Variants in SMAP1 observed in about 807,000 individuals in gnomAD.
SMAP1 encodes small ArfGAP 1.
Under a neutral mutation model 58.5 loss-of-function variants are expected in SMAP1, and 24 were observed. That is an observed-to-expected ratio of 0.41 (90% confidence interval 0.30 to 0.58). The LOEUF is 0.58. Among genes scored for constraint, SMAP1 ranks in the 20% least tolerant of loss-of-function variants. SMAP1 has a pLI of 0.29. For synonymous variants in SMAP1, 216 were observed against 196.6 expected (o/e 1.10, Z -0.82); for missense variants, 563 against 566.3 (o/e 0.99, Z 0.06).
At chr6:70,726,514 A>G (rs1768792510) in intron 1 of SMAP1, among the ~76,000 whole-genome samples, 1 of 152,258 alleles carries the variant, frequency 6.6e-6, no homozygotes, top group Non-Finnish European at 1.5e-5. Context: ...TAAAATTACC[A>G]TTAGTTAGCA....
chr6:70,855,050 T>TCATATACATATACATATACATATA (rs369822474), intron 8 of SMAP1, among the ~76,000 whole-genome samples: 6,818 of 124,356 alleles, frequency 0.055, 333 homozygotes, highest in Non-Finnish European at 0.058. Flanking sequence ...TCCTGTTCTT[T>TCATATACATATACATATACATATA]CATATACATA....
intron 4 of SMAP1, among the ~76,000 whole-genome samples, chr6:70,789,579 ATTTTTCT>A (rs1165376378): frequency 3.0e-5 from 4 of 131,374 alleles, no homozygotes; most frequent in South Asian, 2.4e-4. Context: ...TAAATCATTT[ATTTTTCT>A]TTTTTCTTTT....
intron 6 of SMAP1, among the ~76,000 whole-genome samples, chr6:70,813,470 A>G (rs1312231790): frequency 2.6e-5 from 4 of 152,264 alleles, no homozygotes; most frequent in African/African-American, 9.6e-5. Context: ...TTCACCAACC[A>G]CTTACATACT....
At chr6:70,699,607 A>G (rs553949686) in intron 1 of SMAP1, among the ~76,000 whole-genome samples, 42 of 151,846 alleles carry the variant, frequency 2.8e-4, no homozygotes, top group Admixed American at 3.9e-4. Context: ...TTGGCATCCA[A>G]GCTGCAAGAC....
chr6:70,853,523 T>C (rs1771269344), intron 8 of SMAP1, among the ~76,000 whole-genome samples: 1 of 152,194 alleles, frequency 6.6e-6, no homozygotes. Context: ...AAAAAGTCAA[T>C]GTCTTATAAG....
intron 1 of SMAP1, among the ~76,000 whole-genome samples, chr6:70,702,042 G>T (rs1393111456): frequency 6.6e-6 from 1 of 152,136 alleles, no homozygotes; most frequent in Non-Finnish European, 1.5e-5. Context: ...AAGATATTTT[G>T]CTGTTTGTGA....
chr6:70,772,908 A>G (rs957871710), intron 3 of SMAP1: 5 of 154,608 alleles, frequency 3.2e-5, no homozygotes, highest in African/African-American at 1.2e-4. Context: ...TAATATGCAC[A>G]TTCGTGGGGT....
chr6:70,786,405 C>T (rs1475069273), intron 4 of SMAP1, among the ~76,000 whole-genome samples: 1 of 140,014 alleles, frequency 7.1e-6, no homozygotes, highest in Non-Finnish European at 1.5e-5. Context: ...GACAGGGATG[C>T]CCTCTCTCAC....
chr6:70,726,200 G>A (rs1768778745), intron 1 of SMAP1, among the ~76,000 whole-genome samples: 1 of 152,180 alleles, frequency 6.6e-6, no homozygotes, highest in South Asian at 2.1e-4. Context: ...GATGAATAAT[G>A]TCTTACTTAT....
At position 70,690,847 on chromosome 6, in the gene SMAP1, C is replaced by T. The variant is rs551880724; in HGVS notation, c.118+22706C>T. Among the ~76,000 whole-genome samples the T allele has an allele frequency of 4.8e-3, 735 of 151,678 alleles. 7 individuals are homozygous for T. The highest frequency in any genetic ancestry group is 0.017 in the African/African-American group (685 of 41,398). On this transcript the variant is annotated intron_variant, in intron 1 of 10. Transcript: ENST00000370455. ...ACCAAATGAATTAGATAGTATTCTC[C>T]TCCTCCCCCTTCCCCCCTTCCCCAC...
chr6:70,687,326 A>G (rs1190122287), intron 1 of SMAP1, among the ~76,000 whole-genome samples: 1 of 152,192 alleles, frequency 6.6e-6, no homozygotes, highest in African/African-American at 2.4e-5. Context: ...GCAGTTTCTC[A>G]AAAAACAATT....
intron 7 of SMAP1, among the ~76,000 whole-genome samples, chr6:70,847,303 A>T (rs1408106132): frequency 6.6e-6 from 1 of 152,168 alleles, no homozygotes; most frequent in Non-Finnish European, 1.5e-5. Context: ...GGGCCAGTGA[A>T]TGCATGCTGG....
At chr6:70,682,037 G>A (rs1766731421) in intron 1 of SMAP1, among the ~76,000 whole-genome samples, 1 of 152,076 alleles carries the variant, frequency 6.6e-6, no homozygotes, top group Admixed American at 6.6e-5. Context: ...AAAAAGATCA[G>A]GAAGAATATG....
At chr6:70,668,638 T>G in intron 1 of SMAP1, 1 of 1,535,822 alleles carries the variant, frequency 6.5e-7, no homozygotes, top group Non-Finnish European at 8.7e-7. Flanking sequence ...GATGGAGCCC[T>G]ACCTGCCTGC....
chr6:70,697,854 T>C (rs1483990406), intron 1 of SMAP1, among the ~76,000 whole-genome samples: 5 of 152,238 alleles, frequency 3.3e-5, no homozygotes, highest in Non-Finnish European at 7.3e-5. Flanking sequence ...ATTTCTATCT[T>C]ATTGTATTGT....
intron 2 of SMAP1, among the ~76,000 whole-genome samples, chr6:70,742,677 C>A (rs184056736): frequency 2.5e-4 from 38 of 152,288 alleles, no homozygotes; most frequent in African/African-American, 8.9e-4. Flanking sequence ...GTGCCCCACT[C>A]CCGGTACCAG....
intron 3 of SMAP1, among the ~76,000 whole-genome samples, chr6:70,772,344 A>G (rs550539888): frequency 2.0e-5 from 3 of 152,284 alleles, no homozygotes; most frequent in Admixed American, 1.3e-4. Flanking sequence ...CTGAAACTGT[A>G]TTGTATTACC....
chr6:70,787,404 C>T (rs976666873), intron 4 of SMAP1, among the ~76,000 whole-genome samples: 4 of 152,122 alleles, frequency 2.6e-5, no homozygotes, highest in Non-Finnish European at 4.4e-5. Flanking sequence ...GACTTCATGT[C>T]TAAAACACCA....
chr6:70,735,417 GTGA>G (rs1392981353), intron 2 of SMAP1, among the ~76,000 whole-genome samples: 1 of 152,192 alleles, frequency 6.6e-6, no homozygotes, highest in Non-Finnish European at 1.5e-5. Flanking sequence ...ATGGGCAAAA[GTGA>G]TGATCACAAT....
Sources: allele counts gnomAD v4.1 joint callset (sites outside exome capture counted in the v4.1 genomes callset), GRCh38; gene constraint gnomAD v4.1.1; transcripts MANE v1.5; gene names NCBI Gene and HGNC (gene_info 2026-07-23, HGNC 2026-07-21).